Variants in SIPA1L3 observed in about 807,000 individuals in gnomAD.
The protein encoded by SIPA1L3 is signal induced proliferation associated 1 like 3.
Under a neutral mutation model 150.1 loss-of-function variants are expected in SIPA1L3, and 59 were observed. The ratio of observed to expected loss-of-function variants is 0.39; its 90% CI spans 0.32 to 0.49. SIPA1L3 has a LOEUF of 0.49. SIPA1L3 is among the 20% of genes least tolerant of loss of function. SIPA1L3 has a pLI of 0.86. For missense variants in SIPA1L3, 2,211 were observed against 2,489.5 expected (o/e 0.89, Z 2.38); for synonymous variants, 1,070 against 1,077.6 (o/e 0.99, Z 0.14).
intron 1 of SIPA1L3, among the ~76,000 whole-genome samples, chr19:37,957,565 TC>T (rs775962204): frequency 4.0e-5 from 6 of 150,374 alleles, no homozygotes; most frequent in South Asian, 4.2e-4. Context: ...TTTTCTTTTT[TC>T]TTTTCTTTTG....
At chr19:38,087,020 T>C (rs1206331801) in intron 3 of SIPA1L3, among the ~76,000 whole-genome samples, 1 of 152,120 alleles carries the variant, frequency 6.6e-6, no homozygotes, top group Non-Finnish European at 1.5e-5. Context: ...GTCCAGATAT[T>C]GAGGATAAGG....
chr19:37,972,832 A>C (rs1463117948), intron 1 of SIPA1L3, among the ~76,000 whole-genome samples: 1 of 152,216 alleles, frequency 6.6e-6, no homozygotes, highest in Admixed American at 6.5e-5. Context: ...TTTCTGTTAG[A>C]GATTAGTGAA....
At chr19:38,115,444 C>T (rs1970862599) in intron 8 of SIPA1L3, among the ~76,000 whole-genome samples, 1 of 152,216 alleles carries the variant, frequency 6.6e-6, no homozygotes, top group Admixed American at 6.5e-5. Flanking sequence ...CAGAGAACGG[C>T]AGAATGGATC....
chr19:38,176,096 A>T (rs897919018), intron 15 of SIPA1L3, among the ~76,000 whole-genome samples: 1 of 152,138 alleles, frequency 6.6e-6, no homozygotes, highest in Non-Finnish European at 1.5e-5. Flanking sequence ...AATCCCATCT[A>T]CTTAGGAGGT....
intron 11 of SIPA1L3, 75 bp from the exon 12 acceptor site, chr19:38,142,498 T>C (rs1300865920): frequency 1.1e-4 from 161 of 1,483,522 alleles, no homozygotes; most frequent in Non-Finnish European, 5.6e-5. Flanking sequence ...TCCATCTGTC[T>C]GTCCGTCCAT....
chr19:37,981,734 C>G (rs762165946), intron 1 of SIPA1L3, among the ~76,000 whole-genome samples: 2 of 152,156 alleles, frequency 1.3e-5, no homozygotes, highest in Non-Finnish European at 2.9e-5. Flanking sequence ...GACACCTTCC[C>G]GCAAATCCTT....
At chr19:37,932,142 G>T (rs867455464) in intron 1 of SIPA1L3, among the ~76,000 whole-genome samples, 1 of 152,230 alleles carries the variant, frequency 6.6e-6, no homozygotes, top group Admixed American at 6.5e-5. Context: ...CAAGGAGCCC[G>T]CCTTTAGATT....
intron 2 of SIPA1L3, among the ~76,000 whole-genome samples, chr19:38,036,077 G>T (rs930174256): frequency 6.6e-6 from 1 of 152,182 alleles, no homozygotes; most frequent in Non-Finnish European, 1.5e-5. Flanking sequence ...TGGCCTCCTG[G>T]TCCCCTTTCT....
intron 15 of SIPA1L3, among the ~76,000 whole-genome samples, chr19:38,173,394 G>A (rs995544891): frequency 6.6e-5 from 10 of 152,266 alleles, no homozygotes; most frequent in Non-Finnish European, 1.2e-4. Context: ...CAGGCATGCT[G>A]CCAGGCGCCA....
chr19:38,205,487 A>G (rs73627694), intron 21 of SIPA1L3, among the ~76,000 whole-genome samples: 7,708 of 149,414 alleles, frequency 0.052, 655 homozygotes, highest in African/African-American at 0.17. Context: ...TGAGGAGGAG[A>G]CTTTTATCTA....
At position 38,201,911 on chromosome 19, in the gene SIPA1L3, G is replaced by C. The variant is rs141643424; in HGVS notation, c.5034G>C (p.Pro1678=). Residue 1678 remains proline (P), a synonymous_variant, in exon 20 of 22, where the codon CCG becomes CCC. Coordinates refer to ENST00000222345, the MANE Select transcript of SIPA1L3 (RefSeq NM_015073.3). ...LFSLNDPALS[P]DIPPAHSPVH... ...CTCTGAACGACCCGGCCCTGAGCCC[G>C]GACATCCCGCCTGCACACAGTCCTG... The C allele has an allele frequency of 6.2e-7, 1 of 1,613,696 alleles. No individual in the cohort carries two copies. Among genetic ancestry groups the C allele is most frequent in the Non-Finnish European group, 8.5e-7 (1 of 1,179,886 alleles).
chr19:38,024,470 G>T (rs570138446), intron 1 of SIPA1L3, among the ~76,000 whole-genome samples: 1 of 152,150 alleles, frequency 6.6e-6, no homozygotes, highest in South Asian at 2.1e-4. Flanking sequence ...ACCCTCTGCA[G>T]TCTCCTCGGA....
intron 1 of SIPA1L3, among the ~76,000 whole-genome samples, chr19:37,949,352 C>T (rs532669492): frequency 1.3e-5 from 2 of 152,134 alleles, no homozygotes; most frequent in Non-Finnish European, 2.9e-5. Flanking sequence ...TGCCTGTGTA[C>T]ATGCACAGTT....
chr19:38,202,011 G>C lies in SIPA1L3; in HGVS notation c.5120+14G>C. On this transcript the variant is annotated intron_variant, in intron 20 of 21. Transcript: ENST00000222345. ...CCCTACCATGAGGTGAGGTTTCCCT[G>C]GGAACACCCGGGTTCATACCAGCGG... 1 of 1,598,814 alleles carries C rather than the reference G, an allele frequency of 6.3e-7. No homozygotes were observed. Among genetic ancestry groups the C allele is most frequent in the South Asian group, 1.1e-5 (1 of 88,392 alleles).
At chr19:37,945,329 G>T (rs2046700749) in intron 1 of SIPA1L3, among the ~76,000 whole-genome samples, 1 of 151,962 alleles carries the variant, frequency 6.6e-6, no homozygotes, top group South Asian at 2.1e-4. Context: ...CCACCTCCCA[G>T]GTTCAAGTGA....
chr19:38,007,905 G>C (rs1967995306), intron 1 of SIPA1L3, among the ~76,000 whole-genome samples: 1 of 152,088 alleles, frequency 6.6e-6, no homozygotes, highest in African/African-American at 2.4e-5. Flanking sequence ...ATCACGGTCT[G>C]ATGTTCTATA....
At chr19:37,914,172 C>G (rs1357361327) in intron 1 of SIPA1L3, among the ~76,000 whole-genome samples, 1 of 152,076 alleles carries the variant, frequency 6.6e-6, no homozygotes, top group Non-Finnish European at 1.5e-5. Flanking sequence ...CAGGGAAGGC[C>G]TCCCAGGCCT....
intron 2 of SIPA1L3, among the ~76,000 whole-genome samples, chr19:38,069,988 T>A (rs1006578257): frequency 6.6e-6 from 1 of 151,912 alleles, no homozygotes; most frequent in Non-Finnish European, 1.5e-5. Context: ...GACACCTATA[T>A]TTTTATAAAG....
chr19:38,151,355 C>T (rs1461088094), intron 12 of SIPA1L3, among the ~76,000 whole-genome samples: 1 of 152,242 alleles, frequency 6.6e-6, no homozygotes, highest in Non-Finnish European at 1.5e-5. Context: ...AGGACCCAGG[C>T]TACCCAGGCA....
Sources: gnomAD v4.1 joint callset for allele counts (sites outside exome capture counted in the v4.1 genomes callset) on GRCh38, gnomAD v4.1.1 for gene constraint, MANE v1.5 for transcripts, NCBI Gene and HGNC (gene_info 2026-07-23, HGNC 2026-07-21) for gene names.